The following RTN1 variants were observed in gnomAD, a reference collection of about 807,000 sequenced individuals.
The protein encoded by RTN1 is reticulon-1.
In RTN1, 25 loss-of-function variants were observed where a neutral mutation model predicts 65.5. That is an observed-to-expected ratio of 0.38 (90% CI 0.28 to 0.53). The LOEUF (loss-of-function observed/expected upper bound fraction) is 0.53. Ranked by LOEUF, RTN1 falls within the 20% of genes least tolerant of loss-of-function variation. RTN1 has a pLI of 0.79. For synonymous variants in RTN1, 471 were observed against 447.6 expected (o/e 1.05, Z -0.66); for missense variants, 983 against 1,025.4 (o/e 0.96, Z 0.57).
intron 3 of RTN1, among the ~76,000 whole-genome samples, chr14:59,691,992 C>A (rs569327351): frequency 6.6e-6 from 1 of 152,218 alleles, no homozygotes; most frequent in East Asian, 1.9e-4. Flanking sequence ...ATTGAACAGG[C>A]AAAAGCTGGA....
chr14:59,789,108 ATTAT>A (rs1412886269), intron 1 of RTN1, among the ~76,000 whole-genome samples: 3 of 151,730 alleles, frequency 2.0e-5, no homozygotes, highest in Admixed American at 6.6e-5. Context: ...CATATTTTCT[ATTAT>A]TTATTTCTTT....
At chr14:59,864,974 T>C (rs971925265) in intron 1 of RTN1, among the ~76,000 whole-genome samples, 7 of 152,322 alleles carry the variant, frequency 4.6e-5, no homozygotes, top group Admixed American at 3.3e-4. Flanking sequence ...AGTTTATAAA[T>C]TAAAGAGCAT....
chr14:59,684,648 A>G (rs1014107298), intron 3 of RTN1, among the ~76,000 whole-genome samples: 3 of 151,998 alleles, frequency 2.0e-5, no homozygotes, highest in Admixed American at 6.6e-5. Flanking sequence ...TATGTTTTAT[A>G]CTGTATTCCA....
intron 1 of RTN1, among the ~76,000 whole-genome samples, chr14:59,838,430 G>A (rs560858560): frequency 2.2e-4 from 33 of 152,200 alleles, no homozygotes; most frequent in African/African-American, 6.7e-4. Flanking sequence ...TCAGTATCAG[G>A]GGGTATTATA....
intron 3 of RTN1, among the ~76,000 whole-genome samples, chr14:59,608,033 T>C (rs1479849521): frequency 1.3e-5 from 2 of 152,102 alleles, no homozygotes; most frequent in Non-Finnish European, 2.9e-5. Flanking sequence ...CTACATTGCA[T>C]CCACCATTCA....
At chr14:59,652,552 A>G (rs979749038) in intron 3 of RTN1, among the ~76,000 whole-genome samples, 1 of 152,198 alleles carries the variant, frequency 6.6e-6, no homozygotes, top group Non-Finnish European at 1.5e-5. Context: ...GCTGGAGGCC[A>G]TTATTCTTAG....
chr14:59,659,422 C>T (rs1291790616), intron 3 of RTN1, among the ~76,000 whole-genome samples: 1 of 151,578 alleles, frequency 6.6e-6, no homozygotes, highest in Non-Finnish European at 1.5e-5. Flanking sequence ...AAGAGCAACC[C>T]CAAGACACAT....
At chr14:59,710,027 T>C (rs1594692087) in intron 3 of RTN1, among the ~76,000 whole-genome samples, 2 of 135,486 alleles carry the variant, frequency 1.5e-5, no homozygotes, top group African/African-American at 5.4e-5. Context: ...TCCTCTCCTC[T>C]CCTCTCCCTC....
At chr14:59,657,684 T>C (rs1883150985) in intron 3 of RTN1, among the ~76,000 whole-genome samples, 1 of 152,194 alleles carries the variant, frequency 6.6e-6, no homozygotes, top group Non-Finnish European at 1.5e-5. Context: ...CATGAGGGAC[T>C]GTGCCATGAG....
chr14:59,725,733 A>G (rs768101603), intron 3 of RTN1, among the ~76,000 whole-genome samples: 5 of 152,208 alleles, frequency 3.3e-5, no homozygotes, highest in Admixed American at 6.5e-5. Context: ...AGATTCCTCT[A>G]TTCTATTCCA....
At chr14:59,722,822 G>A (rs1229105863) in intron 3 of RTN1, among the ~76,000 whole-genome samples, 1 of 150,184 alleles carries the variant, frequency 6.7e-6, no homozygotes. Context: ...TTGAGACAAG[G>A]TGTCTTTCTT....
chr14:59,611,419 C>T (rs2140168089), intron 3 of RTN1, among the ~76,000 whole-genome samples: 1 of 152,360 alleles, frequency 6.6e-6, no homozygotes. Flanking sequence ...TGTCCTTTAA[C>T]TGTTGCCTTA....
intron 8 of RTN1, among the ~76,000 whole-genome samples, chr14:59,601,456 T>A (rs1333468531): frequency 1.3e-5 from 2 of 152,234 alleles, no homozygotes; most frequent in East Asian, 3.8e-4. Flanking sequence ...TGTATAATTT[T>A]GTCTGCACCA....
rs1885215116 is a variant in RTN1, at chr14:59,746,053, T to C, written c.670A>G (p.Asn224Asp). Residue 224 changes from asparagine to aspartate, a missense_variant, in exon 2 of 9, where the codon AAT becomes GAT. By Grantham distance (23) the Asn-to-Asp change is conservative. Coordinates refer to ENST00000267484, the MANE Select transcript of RTN1 (RefSeq NM_021136.3). Reference protein sequence around the residue: ...ELEDKDLDFKNKDTDISIKPE... With the variant: ...ELEDKDLDFKDKDTDISIKPE... ...TTAATTGAGATGTCAGTGTCTTTAT[T>C]CTTAAAGTCCAAGTCTTTATCTTCC... The C allele has an allele frequency of 1.2e-6, 2 of 1,614,200 alleles. No homozygotes were observed. Among genetic ancestry groups the C allele is most frequent in the South Asian group, 2.2e-5 (2 of 91,080 alleles).
rs371638115 is a variant in RTN1, at chr14:59,705,833, A to G, written c.1765+21086T>C. ...TATTAGCTTCTGTTGGGGCTCAGAA[A>G]ATGATACCCCAAAATATGGCCGTTT... On this transcript the variant is annotated intron_variant, in intron 3 of 8. Transcript: ENST00000267484. 7.9e-5 allele frequency among the ~76,000 whole-genome samples: 12 copies of G among 152,304 alleles called. No individual in the cohort carries two copies. The East Asian group carries it at 2.3e-3, about 29-fold the overall frequency.
At chr14:59,675,182 G>C (rs1883598030) in intron 3 of RTN1, among the ~76,000 whole-genome samples, 1 of 152,084 alleles carries the variant, frequency 6.6e-6, no homozygotes, top group African/African-American at 2.4e-5. Flanking sequence ...TGGTAAAGAG[G>C]GTCAGGGAAG....
At chr14:59,635,691 A>G (rs1882650011) in intron 3 of RTN1, among the ~76,000 whole-genome samples, 2 of 152,196 alleles carry the variant, frequency 1.3e-5, no homozygotes, top group Admixed American at 1.3e-4. Flanking sequence ...AATAAATTGC[A>G]TAAACTAGAG....
At chr14:59,706,372 A>T (rs1884295120) in intron 3 of RTN1, among the ~76,000 whole-genome samples, 1 of 151,336 alleles carries the variant, frequency 6.6e-6, no homozygotes, top group African/African-American at 2.4e-5. Context: ...AGAATATTTA[A>T]GCATCAGCCA....
rs184389850 is a variant in RTN1, at chr14:59,697,671, T to C, written c.1765+29248A>G. The stretch of plus-strand genomic sequence containing the variant: ...GTACTTCCACCCAAAGTGCCAACCA[T>C]AATAATGTGAAATAGAAAAATATAT... On this transcript the variant is annotated intron_variant, in intron 3 of 8. Coordinates refer to ENST00000267484, the MANE Select transcript of RTN1 (RefSeq NM_021136.3). Among the ~76,000 whole-genome samples the C allele has an allele frequency of 8.9e-4, 135 of 152,286 alleles. 1 individual carries two copies. Among genetic ancestry groups the C allele is most frequent in the South Asian group, 8.7e-3 (42 of 4,828 alleles).
Sources: gnomAD v4.1 joint callset for allele counts (sites outside exome capture counted in the v4.1 genomes callset) on GRCh38, gnomAD v4.1.1 for gene constraint, MANE v1.5 for transcripts, NCBI Gene and HGNC (gene_info 2026-07-23, HGNC 2026-07-21) for gene names.